The following WDR72 variants were observed in gnomAD, a reference collection of about 807,000 sequenced individuals.
WDR72 encodes WD repeat-containing protein 72.
In WDR72, 120 loss-of-function variants were observed where a neutral mutation model predicts 124.2. The ratio of observed to expected loss-of-function variants is 0.97; its 90% CI spans 0.83 to 1.12. The LOEUF is 1.12. Ranked by LOEUF, WDR72 falls within the 50% of genes most tolerant of loss-of-function variation. The probability of loss-of-function intolerance (pLI) is 0.00; values close to 1 mark genes in which losing one functional copy is unlikely to be tolerated. For missense variants in WDR72, 1,387 were observed against 1,278.8 expected (o/e 1.08, Z -1.29); for synonymous variants, 452 against 441.7 (o/e 1.02, Z -0.29).
intron 14 of WDR72, among the ~76,000 whole-genome samples, chr15:53,628,633 G>T (rs182034903): frequency 2.0e-5 from 3 of 152,158 alleles, no homozygotes; most frequent in Non-Finnish European, 2.9e-5. Context: ...GATACAAAAA[G>T]AAATTACAGT....
intron 18 of WDR72, among the ~76,000 whole-genome samples, chr15:53,581,354 A>G (rs2011916676): frequency 6.6e-6 from 1 of 152,134 alleles, no homozygotes; most frequent in Admixed American, 6.6e-5. Flanking sequence ...CTTAATTTCA[A>G]ATCTCATAAT....
At position 53,613,122 on chromosome 15, in the gene WDR72, T is replaced by C. The variant is rs552604054; in HGVS notation, c.2872+544A>G. Reference sequence around the variant, plus strand: ...TGTCATTTATTGAGATGTCCCAAACTTGGAAAAGCAGGTTTGGGAGATACA... The same window carrying C: ...TGTCATTTATTGAGATGTCCCAAACCTGGAAAAGCAGGTTTGGGAGATACA... On this transcript the variant is annotated intron_variant, in intron 16 of 19. Coordinates refer to ENST00000360509, the MANE Select transcript of WDR72 (RefSeq NM_182758.4). Among the ~76,000 whole-genome samples, 3 of 152,080 alleles carry C rather than the reference T, an allele frequency of 2.0e-5. No homozygotes were observed. In the South Asian group the frequency reaches 6.2e-4, roughly 32 times the overall value.
chr15:53,617,924 A>C (rs1412808380), intron 14 of WDR72, among the ~76,000 whole-genome samples: 1 of 151,936 alleles, frequency 6.6e-6, no homozygotes, highest in East Asian at 1.9e-4. Context: ...TGGGAGGTAT[A>C]GTTTCTGGGG....
intron 3 of WDR72, among the ~76,000 whole-genome samples, chr15:53,721,904 A>G (rs1209877131): frequency 1.3e-5 from 2 of 152,108 alleles, no homozygotes; most frequent in East Asian, 3.9e-4. Context: ...GTCCTATTTC[A>G]TGAGGGCAAG....
chr15:53,735,583 T>C (rs2018329756), intron 1 of WDR72, among the ~76,000 whole-genome samples: 1 of 152,184 alleles, frequency 6.6e-6, no homozygotes, highest in Non-Finnish European at 1.5e-5. Flanking sequence ...ATTATGTGTG[T>C]CAATTATACT....
chr15:53,683,846 T>G (rs922820353), intron 13 of WDR72, among the ~76,000 whole-genome samples: 1 of 152,022 alleles, frequency 6.6e-6, no homozygotes, highest in Non-Finnish European at 1.5e-5. Flanking sequence ...AAATAGCAGA[T>G]TTTCACTTAT....
rs1894278299 is a variant in WDR72 at position 53,565,863 on chromosome 15, CA to C, written c.3148+31215del. 3.3e-5 allele frequency among the ~76,000 whole-genome samples: 5 copies of C among 151,986 alleles called. No homozygotes were observed. In the South Asian group the frequency reaches 1.0e-3, roughly 32 times the overall value. ...TCTCCACAGAGGCTGTAATAATTTG[CA>C]ATGTCATTTGCAAAGCATAAGCATG... On this transcript the variant is annotated intron_variant, in intron 18 of 19. Transcript: ENST00000360509.
In WDR72 at chr15:53,515,061, A is replaced by G. The variant is rs1595718262; in HGVS notation, c.*2638T>C. The G allele has an allele frequency of 8.4e-6, 1 of 119,662 alleles. No homozygotes were observed. The highest frequency in any genetic ancestry group is 1.8e-5 in the Non-Finnish European group (1 of 56,420). The allele number at this position is 119,662 out of a possible 1,614,324, so 7.4% of individuals were successfully genotyped here. On this transcript the variant is annotated 3_prime_UTR_variant, in exon 20 of 20. Transcript: ENST00000360509. The stretch of plus-strand genomic sequence containing the variant: ...TATGTGTATATATATGTGTGTATAT[A>G]TATACACACATATATATGTATGTAT...
Position 53,701,559 on chromosome 15 carries a change from T to TCA in WDR72, c.1569+573_1569+574dup, listed in dbSNP as rs58047374. ...CTGTCTCTCTCTCTCTCTCTCTCTC[T>TCA]CACACACACACACACACACACACAC... On this transcript the variant is annotated intron_variant, in intron 12 of 19. Coordinates refer to ENST00000360509, the MANE Select transcript of WDR72 (RefSeq NM_182758.4). Among the ~76,000 whole-genome samples the TCA allele has an allele frequency of 3.2e-3, 385 of 120,134 alleles. 4 individuals are homozygous for TCA. The highest frequency in any genetic ancestry group is 8.7e-3 in the African/African-American group (300 of 34,540). The allele number at this position is 120,134 out of a possible 152,430, so 78.8% of individuals were successfully genotyped here.
chr15:53,700,343 G>A (rs746525646), intron 12 of WDR72, among the ~76,000 whole-genome samples: 1 of 152,188 alleles, frequency 6.6e-6, no homozygotes, highest in Non-Finnish European at 1.5e-5. Flanking sequence ...GGTATCATGA[G>A]CTGATATTTT....
chr15:53,575,999 C>T (rs908666263), intron 18 of WDR72, among the ~76,000 whole-genome samples: 1 of 152,130 alleles, frequency 6.6e-6, no homozygotes, highest in Admixed American at 6.5e-5. Context: ...ATCTACCAAA[C>T]TGAGAAACAC....
intron 18 of WDR72, among the ~76,000 whole-genome samples, chr15:53,580,154 T>G (rs1054088322): frequency 6.6e-6 from 1 of 152,066 alleles, no homozygotes; most frequent in Admixed American, 6.6e-5. Flanking sequence ...ACAGAATTAA[T>G]AGAGATAATA....
chr15:53,699,007 G>A lies in WDR72; in HGVS notation c.1765+743C>T, dbSNP rs537035568. Among the ~76,000 whole-genome samples, 7 of 152,236 alleles carry A rather than the reference G, an allele frequency of 4.6e-5. No individual in the cohort carries two copies. The East Asian group carries it at 1.2e-3, about 25-fold the overall frequency. ...AGAAAATAGCAATTATTTTGGTGAA[G>A]TATGGCTCTAAACTATAATATTATA... On this transcript the variant is annotated intron_variant, in intron 13 of 19. Coordinates refer to ENST00000360509, the MANE Select transcript of WDR72 (RefSeq NM_182758.4).
At chr15:53,563,311 T>C (rs1894188572) in intron 18 of WDR72, among the ~76,000 whole-genome samples, 1 of 151,798 alleles carries the variant, frequency 6.6e-6, no homozygotes, top group African/African-American at 2.4e-5. Flanking sequence ...TAAAATTATT[T>C]TAAGTCTCTC....
At chr15:53,686,431 C>T (rs553394232) in intron 13 of WDR72, among the ~76,000 whole-genome samples, 174 of 149,826 alleles carry the variant, frequency 1.2e-3, no homozygotes, top group Non-Finnish European at 1.9e-3. Context: ...ATAAAACAGA[C>T]TTTAAACCAA....
chr15:53,617,316 T>G (rs1306655031), intron 14 of WDR72, among the ~76,000 whole-genome samples: 1 of 151,620 alleles, frequency 6.6e-6, no homozygotes, highest in East Asian at 1.9e-4. Flanking sequence ...ACAAAGGATA[T>G]GAACCAAAAT....
intron 18 of WDR72, among the ~76,000 whole-genome samples, chr15:53,534,798 G>A (rs1892666506): frequency 6.6e-6 from 1 of 152,048 alleles, no homozygotes; most frequent in Non-Finnish European, 1.5e-5. Context: ...AATTAATTTT[G>A]TTGAATATTT....
At chr15:53,598,690 T>C (rs1264835353) in intron 17 of WDR72, among the ~76,000 whole-genome samples, 1 of 152,078 alleles carries the variant, frequency 6.6e-6, no homozygotes, top group East Asian at 1.9e-4. Flanking sequence ...CAGCCCACAC[T>C]CAAATGTTTA....
chr15:53,741,362 C>A (rs1311829606), intron 1 of WDR72, among the ~76,000 whole-genome samples: 1 of 152,170 alleles, frequency 6.6e-6, no homozygotes, highest in Non-Finnish European at 1.5e-5. Flanking sequence ...CACAAGAAAT[C>A]AGATCCCTAG....
Sources: gnomAD v4.1 joint callset for allele counts (sites outside exome capture counted in the v4.1 genomes callset) on GRCh38, gnomAD v4.1.1 for gene constraint, MANE v1.5 for transcripts, NCBI Gene and HGNC (gene_info 2026-07-23, HGNC 2026-07-21) for gene names.